CHCHD3: variants seen among roughly 807,000 people sequenced by gnomAD.
CHCHD3 encodes MICOS complex subunit MIC19.
A neutral mutation model predicts 38.2 loss-of-function variants in CHCHD3; 20 were observed. The ratio of observed to expected loss-of-function variants is 0.52; its 90% CI spans 0.37 to 0.76. CHCHD3 has a LOEUF of 0.76. Among genes scored for constraint, CHCHD3 ranks in the 30% least tolerant of loss-of-function variants. CHCHD3 has a pLI of 0.00. For synonymous variants in CHCHD3, 82 were observed against 100.0 expected (o/e 0.82, Z 1.07); for missense variants, 245 against 279.2 (o/e 0.88, Z 0.87).
chr7:133,056,234 T>A (rs62465353), intron 2 of CHCHD3, among the ~76,000 whole-genome samples: 1,639 of 152,242 alleles, frequency 0.011, 10 homozygotes, highest in Middle Eastern at 0.017. Context: ...TATTTACTCC[T>A]TGTAACCTCA....
intron 4 of CHCHD3, among the ~76,000 whole-genome samples, chr7:132,913,218 A>G (rs73724120): frequency 0.032 from 4,809 of 152,284 alleles, 244 homozygotes; most frequent in African/African-American, 0.11. Context: ...CCCAAGTCCA[A>G]CAACCTCTGG....
chr7:132,996,434 C>T (rs1222871434), intron 3 of CHCHD3, among the ~76,000 whole-genome samples: 2 of 152,110 alleles, frequency 1.3e-5, no homozygotes. Context: ...CCCAAAGTTA[C>T]AAATATGCAT....
intron 3 of CHCHD3, among the ~76,000 whole-genome samples, chr7:133,000,981 T>C (rs1812555627): frequency 6.6e-6 from 1 of 152,258 alleles, no homozygotes; most frequent in Admixed American, 6.5e-5. Context: ...AATACAGAGG[T>C]ACATGTTACA....
intron 4 of CHCHD3, among the ~76,000 whole-genome samples, chr7:132,940,544 T>C (rs771415655): frequency 2.6e-5 from 4 of 152,204 alleles, no homozygotes; most frequent in African/African-American, 4.8e-5. Flanking sequence ...GGTTTTGTTG[T>C]AGGAATAAAC....
intron 5 of CHCHD3, among the ~76,000 whole-genome samples, chr7:132,860,143 C>T (rs1015016267): frequency 7.9e-5 from 12 of 151,916 alleles, no homozygotes; most frequent in Non-Finnish European, 1.3e-4. Context: ...GGTGATGGCG[C>T]GCATCTGTAG....
intron 6 of CHCHD3, among the ~76,000 whole-genome samples, chr7:132,803,393 T>C (rs924313302): frequency 1.3e-5 from 2 of 151,722 alleles, no homozygotes; most frequent in Non-Finnish European, 2.9e-5. Context: ...TGGCATTTAC[T>C]CTCTCCTGAC....
chr7:132,931,672 C>T (rs1437897717), intron 4 of CHCHD3, among the ~76,000 whole-genome samples: 2 of 152,160 alleles, frequency 1.3e-5, no homozygotes, highest in Non-Finnish European at 2.9e-5. Context: ...TCTTCAATAT[C>T]AATGTCAATT....
intron 6 of CHCHD3, among the ~76,000 whole-genome samples, chr7:132,825,440 C>T (rs1001700422): frequency 7.9e-5 from 12 of 152,180 alleles, no homozygotes; most frequent in Admixed American, 2.6e-4. Context: ...CAAACCAAAA[C>T]CACAAATGAC....
intron 5 of CHCHD3, among the ~76,000 whole-genome samples, chr7:132,862,360 A>G (rs1369024990): frequency 2.0e-5 from 3 of 152,220 alleles, no homozygotes; most frequent in Non-Finnish European, 4.4e-5. Context: ...AGTCATGCAA[A>G]CTTTTTGGTT....
intron 2 of CHCHD3, among the ~76,000 whole-genome samples, chr7:133,067,583 C>T (rs1814707765): frequency 6.6e-6 from 1 of 152,182 alleles, no homozygotes; most frequent in Non-Finnish European, 1.5e-5. Flanking sequence ...TCACTGTATG[C>T]AGTGGTATTT....
chr7:132,798,017 T>A (rs772192101), intron 6 of CHCHD3, among the ~76,000 whole-genome samples: 1 of 152,178 alleles, frequency 6.6e-6, no homozygotes, highest in Non-Finnish European at 1.5e-5. Context: ...TATTTTAAAT[T>A]TAATGGGTTC....
intron 1 of CHCHD3, among the ~76,000 whole-genome samples, chr7:133,073,124 T>C (rs1814875202): frequency 6.6e-6 from 1 of 152,174 alleles, no homozygotes; most frequent in Non-Finnish European, 1.5e-5. Context: ...TAAAATGCCT[T>C]ATTTATATGG....
chr7:132,896,432 T>C (rs781115839), intron 4 of CHCHD3, among the ~76,000 whole-genome samples: 3 of 152,206 alleles, frequency 2.0e-5, no homozygotes, highest in Non-Finnish European at 2.9e-5. Flanking sequence ...GATTCCATTA[T>C]AACTTACAAG....
intron 7 of CHCHD3, among the ~76,000 whole-genome samples, chr7:132,793,252 A>T (rs1361629341): frequency 6.6e-6 from 1 of 152,200 alleles, no homozygotes; most frequent in Non-Finnish European, 1.5e-5. Flanking sequence ...GGAACCAGGT[A>T]TCAAAGGTAA....
At chr7:132,852,329 A>C (rs528706886) in intron 5 of CHCHD3, among the ~76,000 whole-genome samples, 2 of 152,260 alleles carry the variant, frequency 1.3e-5, no homozygotes, top group South Asian at 4.2e-4. Flanking sequence ...AGCTCCAAAC[A>C]GCTAACCAAT....
At chr7:133,070,020 CT>C (rs1814773217) in intron 2 of CHCHD3, 121 bp downstream of exon 2, 1 of 656,044 alleles carries the variant, frequency 1.5e-6, no homozygotes, top group African/African-American at 1.8e-5. Context: ...TCTAATATTC[CT>C]TATTAAAAGC....
chr7:132,796,741 C>T (rs922079756), intron 6 of CHCHD3, among the ~76,000 whole-genome samples, 164 bp from the exon 7 acceptor site: 2 of 152,120 alleles, frequency 1.3e-5, no homozygotes, highest in African/African-American at 4.8e-5. Flanking sequence ...CTAAATTTTT[C>T]CCATGATAAA....
chr7:132,972,464 C>T lies in CHCHD3; in HGVS notation c.369+2705G>A, dbSNP rs527316152. 5 of 563,938 alleles carry T rather than the reference C, an allele frequency of 8.9e-6. No homozygotes were observed. In the South Asian group the frequency reaches 3.8e-4, roughly 43 times the overall value. The allele number at this position is 563,938 out of a possible 1,614,324, so 34.9% of individuals were successfully genotyped here. A position where few individuals can be genotyped will look rare whatever the true frequency, so the allele number is the denominator to read the frequency against. On this transcript the variant is annotated intron_variant, in intron 4 of 7. Transcript: ENST00000262570. Reference sequence around the variant, plus strand: ...AAACCAAAATGTTAACAGTAACTATCTCTGAATTGTAGTACATTGAGTGAT... The same window carrying T: ...AAACCAAAATGTTAACAGTAACTATTTCTGAATTGTAGTACATTGAGTGAT...
chr7:132,823,992 C>T (rs1807444679), intron 6 of CHCHD3, among the ~76,000 whole-genome samples: 1 of 152,200 alleles, frequency 6.6e-6, no homozygotes, highest in African/African-American at 2.4e-5. Flanking sequence ...CTCCTCCCCA[C>T]CTTTTTAATC....
Sources: allele counts gnomAD v4.1 joint callset (sites outside exome capture counted in the v4.1 genomes callset), GRCh38; gene constraint gnomAD v4.1.1; transcripts MANE v1.5; gene names NCBI Gene and HGNC (gene_info 2026-07-23, HGNC 2026-07-21).